CNTNAP2: variants seen among roughly 807,000 people sequenced by gnomAD.
CNTNAP2 encodes contactin associated protein 2, also known as contactin-associated protein-like 2.
In CNTNAP2, 98 loss-of-function variants were observed where a neutral mutation model predicts 155.2. The observed-to-expected ratio is 0.63, with a 90% CI of 0.54 to 0.75. The LOEUF (loss-of-function observed/expected upper bound fraction) is 0.75, where lower values mean the gene tolerates loss of function less well. Ranked by LOEUF, CNTNAP2 falls within the 30% of genes least tolerant of loss-of-function variation. CNTNAP2 has a pLI of 0.00. For missense variants in CNTNAP2, 1,727 were observed against 1,688.1 expected (o/e 1.02, Z -0.40); for synonymous variants, 651 against 631.2 (o/e 1.03, Z -0.47).
chr7:146,275,460 AG>A (rs764897875), intron 1 of CNTNAP2, among the ~76,000 whole-genome samples: 28 of 152,290 alleles, frequency 1.8e-4, no homozygotes, highest in Admixed American at 1.4e-3. Flanking sequence ...ATTGATATAA[AG>A]AATGATATGA....
chr7:147,602,722 G>A (rs549684735), intron 12 of CNTNAP2, among the ~76,000 whole-genome samples: 3 of 150,184 alleles, frequency 2.0e-5, no homozygotes, highest in South Asian at 4.2e-4. Context: ...TCCCACCTAT[G>A]AGTGAGAATG....
chr7:147,388,790 G>T (rs146396602), intron 9 of CNTNAP2, among the ~76,000 whole-genome samples: 140 of 152,114 alleles, frequency 9.2e-4, no homozygotes, highest in African/African-American at 3.3e-3. Context: ...CCATGTTGGC[G>T]AAGCTGGTCT....
intron 13 of CNTNAP2, among the ~76,000 whole-genome samples, chr7:147,801,408 G>C (rs2116589549): frequency 6.6e-6 from 1 of 151,402 alleles, no homozygotes; most frequent in African/African-American, 2.4e-5. Context: ...ATAGTGGAGG[G>C]AAGGTCGGCA....
At chr7:146,762,525 G>A (rs1802120362) in intron 1 of CNTNAP2, among the ~76,000 whole-genome samples, 2 of 152,124 alleles carry the variant, frequency 1.3e-5, no homozygotes, top group South Asian at 4.1e-4. Context: ...CTTGAACCCA[G>A]GAAACAGAGG....
intron 1 of CNTNAP2, among the ~76,000 whole-genome samples, chr7:146,429,047 C>T (rs1373871577): frequency 6.6e-6 from 1 of 151,868 alleles, no homozygotes; most frequent in Non-Finnish European, 1.5e-5. Flanking sequence ...TGTGCAGTCA[C>T]ATTTCTGAGT....
At chr7:147,822,771 A>C (rs538770518) in intron 13 of CNTNAP2, among the ~76,000 whole-genome samples, 20 of 152,298 alleles carry the variant, frequency 1.3e-4, no homozygotes, top group African/African-American at 4.8e-4. Context: ...TGCGATGTAT[A>C]TGACATCGCT....
chr7:146,856,626 GAAATT>G (rs2129204284), intron 3 of CNTNAP2, among the ~76,000 whole-genome samples: 1 of 152,224 alleles, frequency 6.6e-6, no homozygotes, highest in African/African-American at 2.4e-5. Flanking sequence ...TTACACAAGA[GAAATT>G]AAACATCTTG....
chr7:148,389,672 T>G (rs1799302985), intron 22 of CNTNAP2: 1 of 152,190 alleles, frequency 6.6e-6, no homozygotes, highest in South Asian at 2.1e-4. Flanking sequence ...ACCATTTCTA[T>G]AGTTTCTTAC....
At position 148,145,113 on chromosome 7, in the gene CNTNAP2, G is replaced by A. The variant is rs570533196; in HGVS notation, c.2555-2378G>A. ...ATCCTTCCTGAGGAAGCAACGGAAG[G>A]GGTGTGGAATGTGCTGACTTCATAA... On this transcript the variant is annotated intron_variant, in intron 16 of 23. Coordinates refer to ENST00000361727, the MANE Select transcript of CNTNAP2 (RefSeq NM_014141.6). Among the ~76,000 whole-genome samples, 270 of 152,254 alleles carry A rather than the reference G, an allele frequency of 1.8e-3. 1 individual carries two copies. The highest frequency in any genetic ancestry group is 5.8e-3 in the African/African-American group (239 of 41,544).
At chr7:148,178,766 G>T (rs897076943) in intron 18 of CNTNAP2, among the ~76,000 whole-genome samples, 27 of 152,344 alleles carry the variant, frequency 1.8e-4, no homozygotes, top group African/African-American at 5.8e-4. Context: ...ATTTCCACAT[G>T]AAGGACCTGG....
chr7:147,015,343 C>T (rs1798701613), intron 3 of CNTNAP2, among the ~76,000 whole-genome samples: 1 of 151,944 alleles, frequency 6.6e-6, no homozygotes, highest in Non-Finnish European at 1.5e-5. Flanking sequence ...TCTGACATTT[C>T]TTATTTTTAG....
At chr7:147,014,993 A>G (rs117243282) in intron 3 of CNTNAP2, among the ~76,000 whole-genome samples, 2,449 of 152,250 alleles carry the variant, frequency 0.016, 26 homozygotes, top group Non-Finnish European at 0.026. Context: ...TATAAAAGTT[A>G]TTTGTAAACG....
intron 1 of CNTNAP2, among the ~76,000 whole-genome samples, chr7:146,352,771 T>TTTTTTTTTC (rs1563051362): frequency 7.0e-6 from 1 of 142,612 alleles, no homozygotes; most frequent in African/African-American, 2.7e-5. Context: ...TTTTTTTTTT[T>TTTTTTTTTC]CGAGACAGAG....
chr7:147,283,660 G>C (rs181697485), intron 8 of CNTNAP2, among the ~76,000 whole-genome samples: 1 of 151,810 alleles, frequency 6.6e-6, no homozygotes, highest in Non-Finnish European at 1.5e-5. Context: ...TTGCCTTTGT[G>C]GGGTATTGCT....
chr7:146,673,356 C>T (rs896333309), intron 1 of CNTNAP2, among the ~76,000 whole-genome samples: 3 of 152,076 alleles, frequency 2.0e-5, no homozygotes, highest in Admixed American at 2.0e-4. Context: ...TAAAGAAACA[C>T]TTAAAATATA....
At chr7:147,695,223 A>T (rs1796143930) in intron 13 of CNTNAP2, among the ~76,000 whole-genome samples, 1 of 152,112 alleles carries the variant, frequency 6.6e-6, no homozygotes, top group African/African-American at 2.4e-5. Flanking sequence ...TATGATTTGT[A>T]TTCTTTTAAA....
chr7:147,639,073 G>C (rs1397569082), intron 12 of CNTNAP2, 33 bp from the exon 13 acceptor site: 1 of 1,605,544 alleles, frequency 6.2e-7, no homozygotes, highest in Admixed American at 1.7e-5. Context: ...GCATACTAAT[G>C]ATCCAGGGTC....
chr7:148,158,222 C>CTTTTTTTTTT (rs1224617335), intron 17 of CNTNAP2, among the ~76,000 whole-genome samples: 3,579 of 94,622 alleles, frequency 0.038, 1,167 homozygotes, highest in African/African-American at 0.16. Flanking sequence ...AATGTTTGCG[C>CTTTTTTTTTT]TTTTTTTTTT....
intron 1 of CNTNAP2, among the ~76,000 whole-genome samples, chr7:146,537,108 C>A (rs1458877644): frequency 3.3e-5 from 5 of 151,956 alleles, no homozygotes; most frequent in Admixed American, 3.3e-4. Flanking sequence ...GCTAGGCAAG[C>A]CAACAATGAT....
Sources: allele counts gnomAD v4.1 joint callset (sites outside exome capture counted in the v4.1 genomes callset), GRCh38; gene constraint gnomAD v4.1.1; transcripts MANE v1.5; gene names NCBI Gene and HGNC (gene_info 2026-07-23, HGNC 2026-07-21).